CPT1A: variants seen among roughly 807,000 people sequenced by gnomAD.
CPT1A encodes the protein carnitine palmitoyltransferase 1A.
Under a neutral mutation model 100.8 loss-of-function variants are expected in CPT1A, and 64 were observed. That is an observed-to-expected ratio of 0.63 (90% confidence interval 0.52 to 0.78). The LOEUF (loss-of-function observed/expected upper bound fraction) is 0.78. Ranked by LOEUF, CPT1A falls within the 30% of genes least tolerant of loss-of-function variation. The pLI is 0.00. For missense variants in CPT1A, 802 were observed against 1,034.1 expected (o/e 0.78, Z 3.08); for synonymous variants, 363 against 396.0 (o/e 0.92, Z 0.99).
intron 11 of CPT1A, 66 bp from the exon 12 acceptor site, chr11:68,780,811 C>T: frequency 8.7e-7 from 1 of 1,155,642 alleles, no homozygotes; most frequent in Non-Finnish European, 1.3e-6. Context: ...GACATTGCAC[C>T]TCTCTGCTTC....
At chr11:68,775,917 T>G (rs1455789795) in intron 12 of CPT1A, among the ~76,000 whole-genome samples, 1 of 152,142 alleles carries the variant, frequency 6.6e-6, no homozygotes, top group African/African-American at 2.4e-5. Context: ...CACAAAAACT[T>G]GTACAGAATG....
intron 2 of CPT1A, among the ~76,000 whole-genome samples, chr11:68,815,081 G>A (rs375712387): frequency 2.6e-5 from 4 of 152,234 alleles, no homozygotes; most frequent in East Asian, 3.9e-4. Flanking sequence ...TAAGTAGGTC[G>A]CTGGCCCTTT....
At chr11:68,840,093 A>G (rs1328997012) in intron 1 of CPT1A, among the ~76,000 whole-genome samples, 2 of 152,230 alleles carry the variant, frequency 1.3e-5, no homozygotes, top group East Asian at 3.8e-4. Context: ...AGTAATTTAC[A>G]TGCGAAAAGC....
chr11:68,811,993 T>A (rs1242227452), intron 3 of CPT1A, among the ~76,000 whole-genome samples: 2 of 152,068 alleles, frequency 1.3e-5, no homozygotes, highest in African/African-American at 4.8e-5. Flanking sequence ...CAGAGTTAAG[T>A]GGGTGAGGTC....
At chr11:68,820,384 T>C (rs1304038934) in intron 1 of CPT1A, among the ~76,000 whole-genome samples, 2 of 151,986 alleles carry the variant, frequency 1.3e-5, no homozygotes, top group Non-Finnish European at 2.9e-5. Context: ...TCTGAAAATA[T>C]TAAATGGAAA....
At chr11:68,796,982 G>T in intron 6 of CPT1A, 49 bp from the exon 7 acceptor site, 2 of 1,591,980 alleles carry the variant, frequency 1.3e-6, no homozygotes, top group Non-Finnish European at 1.7e-6. Flanking sequence ...CAGGGGCCAG[G>T]CAGGCTCCCT....
At chr11:68,775,755 C>G (rs1220659676) in intron 12 of CPT1A, among the ~76,000 whole-genome samples, 1 of 152,218 alleles carries the variant, frequency 6.6e-6, no homozygotes, top group African/African-American at 2.4e-5. Context: ...CAGCGGCATC[C>G]AAGCCCTGGT....
At chr11:68,794,523 G>C (rs1024784874) in intron 8 of CPT1A, among the ~76,000 whole-genome samples, 2 of 152,132 alleles carry the variant, frequency 1.3e-5, no homozygotes, top group East Asian at 3.9e-4. Context: ...TGATTCTCCT[G>C]CATCGGCCTC....
intron 8 of CPT1A, among the ~76,000 whole-genome samples, chr11:68,794,185 G>A (rs1295514490): frequency 6.6e-6 from 1 of 152,150 alleles, no homozygotes; most frequent in Non-Finnish European, 1.5e-5. Context: ...AAAAAAGAGT[G>A]CATACTGTTA....
chr11:68,771,060 C>T (rs2153996481), intron 14 of CPT1A, among the ~76,000 whole-genome samples: 1 of 152,314 alleles, frequency 6.6e-6, no homozygotes, highest in East Asian at 1.9e-4. Context: ...GCAGCTCATT[C>T]CCACACCTGG....
chr11:68,842,003 G>A, upstream of CPT1A: 8 of 977,502 alleles, frequency 8.2e-6, no homozygotes, highest in Non-Finnish European at 8.5e-6. Flanking sequence ...GGGGCGGGGC[G>A]TCCGCGGGGC....
At chr11:68,769,248 A>T (rs1031715341) in intron 14 of CPT1A, among the ~76,000 whole-genome samples, 19 of 152,096 alleles carry the variant, frequency 1.2e-4, no homozygotes, top group Middle Eastern at 3.4e-3. Context: ...ATTAAAAACA[A>T]TTTTTTTAAA....
At chr11:68,841,969 G>T, upstream of CPT1A, 7 of 985,340 alleles carry the variant, frequency 7.1e-6, no homozygotes, top group Non-Finnish European at 8.4e-6. The surrounding 1 kb of genome is among the most constrained non-coding windows in gnomAD (Gnocchi z 6.3). Context: ...CCCGGCGCGC[G>T]GAGGGCGGGC....
At chr11:68,811,236 A>G (rs904553347) in intron 3 of CPT1A, among the ~76,000 whole-genome samples, 3 of 152,122 alleles carry the variant, frequency 2.0e-5, no homozygotes, top group African/African-American at 7.2e-5. Context: ...TATTGACCTC[A>G]GGTGATCGAC....
At chr11:68,762,539 A>C (rs1854656994) in intron 15 of CPT1A, 88 bp downstream of exon 15, 1 of 1,528,830 alleles carries the variant, frequency 6.5e-7, no homozygotes, top group Non-Finnish European at 9.0e-7. Flanking sequence ...AGGAATGATG[A>C]GATCAGAGAA....
At chr11:68,818,459 A>G (rs1856491931) in intron 1 of CPT1A, 1 of 152,282 alleles carries the variant, frequency 6.6e-6, no homozygotes, top group African/African-American at 2.4e-5. Context: ...GGGAGGTATC[A>G]GCACAGAACC....
intron 12 of CPT1A, among the ~76,000 whole-genome samples, 195 bp from the exon 13 acceptor site, chr11:68,775,627 GAGGGCT>G (rs1396890724): frequency 6.6e-6 from 1 of 152,156 alleles, no homozygotes; most frequent in Non-Finnish European, 1.5e-5. Context: ...GAGGACAGAC[GAGGGCT>G]AAGGGCTTGC....
intron 14 of CPT1A, among the ~76,000 whole-genome samples, chr11:68,771,085 G>A (rs1439862918): frequency 6.6e-6 from 1 of 152,204 alleles, no homozygotes; most frequent in Non-Finnish European, 1.5e-5. Context: ...CGTGGGTTCT[G>A]GGGAGCAGAT....
At chr11:68,821,795 G>A (rs1169380529) in intron 1 of CPT1A, among the ~76,000 whole-genome samples, 1 of 152,104 alleles carries the variant, frequency 6.6e-6, no homozygotes, top group Non-Finnish European at 1.5e-5. Flanking sequence ...GACCGTATAG[G>A]TTTGGTTCTG....
Sources: allele counts gnomAD v4.1 joint callset (sites outside exome capture counted in the v4.1 genomes callset), GRCh38; gene constraint gnomAD v4.1.1; non-coding constraint Gnocchi (gnomAD v3.1); transcripts MANE v1.5; gene names NCBI Gene and HGNC (gene_info 2026-07-23, HGNC 2026-07-21).